Variants in CCNJL observed in about 807,000 individuals in gnomAD.
CCNJL encodes the protein cyclin-J-like protein.
A neutral mutation model predicts 33.4 loss-of-function variants in CCNJL; 33 were observed. The observed-to-expected ratio is 0.99, with a 90% CI of 0.75 to 1.32. The LOEUF is 1.32. CCNJL is among the 40% of genes most tolerant of loss of function. CCNJL has a pLI of 0.00. For missense variants in CCNJL, 512 were observed against 499.7 expected, an observed-to-expected ratio of 1.02 and a Z score of -0.23; for synonymous variants, 227 against 220.9, an observed-to-expected ratio of 1.03 and a Z score of -0.24.
At chr5:160,255,286 C>T (rs905972868) in intron 5 of CCNJL, 1 of 234,284 alleles carries the variant, frequency 4.3e-6, no homozygotes, top group Non-Finnish European at 8.2e-6. Context: ...GCACTCCAGC[C>T]TGGGTGACAG....
Position 160,255,562 on chromosome 5 carries a change from C to A in CCNJL, c.730G>T (p.Glu244Ter). The change falls in exon 5 of 6, where the codon GAA becomes TAA. Residue 244 changes from glutamate (E) to a stop codon, truncating the protein, a stop_gained. Coordinates refer to ENST00000257536, the MANE Select transcript of CCNJL (RefSeq NM_001308173.3). LOFTEE classifies it high-confidence loss of function. ...GGAGAAACTTACACCAGCAGGATTT[C>A]AATACACGTGCTGAGGTGCTCCAGG... ...YSLEHLSTCI[E>*]ILLVVYDNVL... 6.2e-7 allele frequency: 1 copy of A among 1,614,114 alleles called. No individual in the cohort carries two copies. The highest frequency in any genetic ancestry group is 8.5e-7 in the Non-Finnish European group (1 of 1,179,978).
At chr5:160,324,795 T>G (rs986961127) in intron 1 of CCNJL, among the ~76,000 whole-genome samples, 6 of 152,248 alleles carry the variant, frequency 3.9e-5, no homozygotes, top group Non-Finnish European at 8.8e-5. Flanking sequence ...CAAACTGTCC[T>G]TTACCAATCT....
At chr5:160,273,412 C>T (rs1189842584) in intron 3 of CCNJL, among the ~76,000 whole-genome samples, 2 of 152,158 alleles carry the variant, frequency 1.3e-5, no homozygotes, top group Admixed American at 1.3e-4. Context: ...GACAGCACTT[C>T]AGCTCTATTC....
Position 160,252,903 on chromosome 5 carries a change from A to T in CCNJL, c.*475T>A, listed in dbSNP as rs1258184260. On this transcript the variant is annotated 3_prime_UTR_variant, in exon 6 of 6. Transcript: ENST00000257536. The stretch of plus-strand genomic sequence containing the variant: ...CACACCAACTCAGGCCCCTCTGCAT[A>T]GAGCCAGGGAAAGAAAAGCACCCAA... 1 of 154,198 alleles carries T rather than the reference A, an allele frequency of 6.5e-6. No individual in the cohort carries two copies. Among genetic ancestry groups the T allele is most frequent in the Non-Finnish European group, 1.4e-5 (1 of 69,228 alleles). 9.6% of individuals were successfully genotyped at this position (154,198 alleles called of 1,614,324 possible).
chr5:160,312,672 C>CT (rs1763315728), upstream of CCNJL: 1 of 151,892 alleles, frequency 6.6e-6, no homozygotes, highest in Admixed American at 6.6e-5. Flanking sequence ...GAATTGGAGC[C>CT]TTTCTTTGCC....
chr5:160,275,865 G>A (rs575553555), intron 3 of CCNJL, among the ~76,000 whole-genome samples: 1 of 149,098 alleles, frequency 6.7e-6, no homozygotes, highest in Admixed American at 6.7e-5. Flanking sequence ...CCAAGCAAAA[G>A]CAAACCTCCA....
chr5:160,299,158 T>A (rs182464402), intron 2 of CCNJL, among the ~76,000 whole-genome samples: 207 of 149,758 alleles, frequency 1.4e-3, no homozygotes, highest in Middle Eastern at 6.8e-3. Flanking sequence ...TAAAAAAAAA[T>A]TTTTTTTTTG....
At chr5:160,332,930 C>T (rs1205864396) in intron 1 of CCNJL, among the ~76,000 whole-genome samples, 3 of 152,144 alleles carry the variant, frequency 2.0e-5, no homozygotes, top group Non-Finnish European at 4.4e-5. Flanking sequence ...CATCGCAGTG[C>T]CCAGCTGAGT....
In CCNJL at chr5:160,312,074, C is replaced by G. The variant is rs375509916; in HGVS notation, c.-49-102G>C. On this transcript the variant is annotated intron_variant, in intron 1 of 5. Transcript: ENST00000257536. ...CCCTGGCCCCGGGCCCCGGCGGGCG[C>G]CCCCTCCTGCGCCGCTCAGAGGAGC... 8.9e-4 allele frequency: 642 copies of G among 724,500 alleles called. 7 individuals carry two copies. The East Asian group carries it at 0.015, about 17-fold the overall frequency. 44.9% of individuals were successfully genotyped at this position (724,500 alleles called of 1,614,324 possible). A position where few individuals can be genotyped will look rare whatever the true frequency, so the allele number is the denominator to read the frequency against.
chr5:160,321,086 C>G (rs1561812945), intron 1 of CCNJL, among the ~76,000 whole-genome samples: 1 of 113,758 alleles, frequency 8.8e-6, no homozygotes, highest in African/African-American at 3.6e-5. Context: ...TTCTTTCTTT[C>G]TTTCCTTCTC....
chr5:160,259,028 C>A (rs542138488), intron 4 of CCNJL, among the ~76,000 whole-genome samples: 36 of 151,478 alleles, frequency 2.4e-4, no homozygotes, highest in African/African-American at 6.9e-4. Context: ...GATTTTAAAA[C>A]ACTGGGAAGA....
At chr5:160,321,866 A>G (rs1196692276) in intron 1 of CCNJL, among the ~76,000 whole-genome samples, 2 of 152,182 alleles carry the variant, frequency 1.3e-5, no homozygotes, top group Non-Finnish European at 2.9e-5. Flanking sequence ...CTCAAAAAAT[A>G]TATATATTAT....
At chr5:160,278,118 G>A (rs893000895) in intron 3 of CCNJL, among the ~76,000 whole-genome samples, 2 of 152,104 alleles carry the variant, frequency 1.3e-5, no homozygotes, top group African/African-American at 2.4e-5. Context: ...TGTTAGTCAG[G>A]CTGGTCTCAA....
rs1046475215 is a variant in CCNJL, at chr5:160,333,600, A to C, written n.206+5845T>G. Among the ~76,000 whole-genome samples, 9 of 151,868 alleles carry C rather than the reference A, an allele frequency of 5.9e-5. No individual in the cohort carries two copies. In the South Asian group the frequency reaches 1.9e-3, roughly 32 times the overall value. On this transcript the variant is annotated intron_variant and non_coding_transcript_variant, in intron 1 of 7. Transcript: ENST00000377503. ...AGTGAGACCCTGTCTCCAAAAAAAA[A>C]AAAAAATCCCTTTCTATTTTCCCTC...
chr5:160,305,794 C>A (rs1763077690), intron 2 of CCNJL, among the ~76,000 whole-genome samples: 1 of 152,108 alleles, frequency 6.6e-6, no homozygotes, highest in East Asian at 1.9e-4. Context: ...AACACTAGGG[C>A]CAAAGTGAGG....
At chr5:160,282,696 T>C (rs1226048020) in intron 2 of CCNJL, among the ~76,000 whole-genome samples, 3 of 151,596 alleles carry the variant, frequency 2.0e-5, no homozygotes, top group Non-Finnish European at 4.4e-5. Context: ...AACAAACACA[T>C]GAAAAGGTGC....
rs911941731 is a variant in CCNJL, at chr5:160,272,898, T to C, written c.280+7627A>G. Reference sequence around the variant, plus strand: ...GATACAGGGAAAAAGCCAGTCACTGTACAGCAGTGAAAAAAAGAGATGGCA... The same window carrying C: ...GATACAGGGAAAAAGCCAGTCACTGCACAGCAGTGAAAAAAAGAGATGGCA... On this transcript the variant is annotated intron_variant, in intron 3 of 5. Transcript: ENST00000257536. Among the ~76,000 whole-genome samples, 5 of 152,330 alleles carry C rather than the reference T, an allele frequency of 3.3e-5. No homozygotes were observed. In the East Asian group the frequency reaches 5.8e-4, roughly 18 times the overall value.
intron 1 of CCNJL, among the ~76,000 whole-genome samples, chr5:160,321,607 A>G (rs985295604): frequency 2.6e-5 from 4 of 152,216 alleles, no homozygotes; most frequent in African/African-American, 9.6e-5. Flanking sequence ...TTACGCAAGT[A>G]TCATTCTCCT....
At chr5:160,255,312 C>CAA (rs201717811) in intron 5 of CCNJL, 20 of 295,804 alleles carry the variant, frequency 6.8e-5, no homozygotes, top group Non-Finnish European at 1.0e-4. Context: ...GACTCTGTCT[C>CAA]AAAAAAAAAA....
Sources: allele counts gnomAD v4.1 joint callset (sites outside exome capture counted in the v4.1 genomes callset), GRCh38; gene constraint gnomAD v4.1.1; transcripts MANE v1.5; gene names NCBI Gene and HGNC (gene_info 2026-07-23, HGNC 2026-07-21).